CFAP100: variants seen among roughly 807,000 people sequenced by gnomAD.
CFAP100 encodes cilia and flagella associated protein 100, also known as cilia- and flagella-associated protein 100.
A neutral mutation model predicts 81.5 loss-of-function variants in CFAP100; 70 were observed. The observed-to-expected ratio is 0.86, with a 90% CI of 0.71 to 1.05. The LOEUF is 1.05. Among genes scored for constraint, CFAP100 ranks in the 50% least tolerant of loss-of-function variants. CFAP100 has a pLI of 0.00. For synonymous variants in CFAP100, 341 were observed against 314.8 expected (o/e 1.08, Z -0.88); for missense variants, 811 against 776.5 (o/e 1.04, Z -0.53).
At chr3:126,409,280 G>A (rs866397635) in intron 3 of CFAP100, among the ~76,000 whole-genome samples, 9 of 152,092 alleles carry the variant, frequency 5.9e-5, no homozygotes, top group Non-Finnish European at 1.0e-4. Context: ...TTCAGTTTTC[G>A]CTCATATCCC....
intron 4 of CFAP100, 57 bp downstream of exon 4, chr3:126,414,236 C>T: frequency 1.6e-6 from 2 of 1,235,656 alleles, no homozygotes; most frequent in Non-Finnish European, 2.4e-6. Flanking sequence ...CCCACTGCTT[C>T]CTGGAGTGGC....
At chr3:126,395,545 G>A (rs1289758780) in intron 1 of CFAP100, 1 of 158,152 alleles carries the variant, frequency 6.3e-6, no homozygotes, top group East Asian at 1.9e-4. Context: ...AGTGGGAATT[G>A]CAGAGAAGAA....
chr3:126,434,293 C>T lies in CFAP100; in HGVS notation c.1540C>T (p.Leu514=), dbSNP rs749583153. 2.5e-5 allele frequency: 41 copies of T among 1,614,016 alleles called. No individual in the cohort carries two copies. The highest frequency in any genetic ancestry group is 3.3e-5 in the Admixed American group (2 of 60,006). Residue 514 remains leucine, a synonymous_variant, in exon 15 of 17, where the codon CTG becomes TTG. Transcript: ENST00000352312. The part of the protein sequence containing the change: ...VQMLTIIEHQ[L]DELLENLEHV... ...GATGCTGACCATCATTGAGCACCAG[C>T]TGGATGAGCTGCTAGAGAACCTGGA... is the stretch of plus-strand genomic sequence containing the variant.
At position 126,435,575 on chromosome 3, in the gene CFAP100, C is replaced by T; in HGVS notation, c.1645C>T (p.Leu549Phe). 1 of 1,611,752 alleles carries T rather than the reference C, an allele frequency of 6.2e-7. No individual in the cohort carries two copies. The highest frequency in any genetic ancestry group is 1.7e-5 in the Admixed American group (1 of 59,876). The change falls in exon 16 of 17, where the codon CTC (leucine) becomes TTC (phenylalanine). Residue 549 changes from leucine (L) to phenylalanine (F), a missense_variant. Leu to Phe is a conservative substitution (Grantham distance 22, BLOSUM62 0). Coordinates refer to ENST00000352312, the MANE Select transcript of CFAP100 (RefSeq NM_182628.3). Reference sequence around the variant, plus strand: ...GCCACCCAGACTTCGAGAAGAGAAGCTCCAGATGCAAAAGATCCTACAGGA... The same window carrying T: ...GCCACCCAGACTTCGAGAAGAGAAGTTCCAGATGCAAAAGATCCTACAGGA... The part of the protein sequence containing the change: ...ERRIRLREEK[L>F]QMQKILQEEH...
Position 126,433,284 on chromosome 3 carries a change from C to A in CFAP100, c.1422+80C>A, listed in dbSNP as rs974272747. 1.8e-5 allele frequency: 28 copies of A among 1,545,286 alleles called. No individual in the cohort carries two copies. The Admixed American group carries it at 4.6e-4, about 25-fold the overall frequency. ...ACCCACTGGAGGAGCCCTGACAGCC[C>A]TTGGGAAGATGGAGGACAAGGCCCG... is the stretch of plus-strand genomic sequence containing the variant. On this transcript the variant is annotated intron_variant, in intron 14 of 16. Coordinates refer to ENST00000352312, the MANE Select transcript of CFAP100 (RefSeq NM_182628.3).
rs1576636382 is a variant in CFAP100 at position 126,419,809 on chromosome 3, G to A, written c.904G>A (p.Gly302Arg). ...AGAGAGCAGTGTTAACTCCACACCAGGGGACAAAGGTAGCAGAAAAGAGAA... is the reference window on the plus strand; with the variant it reads ...AGAGAGCAGTGTTAACTCCACACCAAGGGACAAAGGTAGCAGAAAAGAGAA... ...SKESSVNSTP[G>R]DKGPGIKGKA... The change falls in exon 9 of 17, where the codon GGG (glycine) becomes AGG (arginine). Residue 302 changes from glycine to arginine, a missense_variant. By Grantham distance (125) the Gly-to-Arg change is moderately radical. Transcript: ENST00000352312. 4 of 1,613,600 alleles carry A rather than the reference G, an allele frequency of 2.5e-6. No homozygotes were observed. The African/African-American group carries it at 4.0e-5, about 16-fold the overall frequency.
At chr3:126,412,153 T>C (rs9858439) in intron 3 of CFAP100, among the ~76,000 whole-genome samples, 23,815 of 152,216 alleles carry the variant, frequency 0.16, 1,989 homozygotes, top group African/African-American at 0.17. Flanking sequence ...TTTGATTTCC[T>C]TGTTAACCCA....
chr3:126,411,316 A>G (rs898664983), intron 3 of CFAP100, among the ~76,000 whole-genome samples: 1 of 104,516 alleles, frequency 9.6e-6, no homozygotes, highest in African/African-American at 3.7e-5. Flanking sequence ...TTTTGCATCT[A>G]TGTTCATCAG....
At chr3:126,409,729 T>C (rs1169739891) in intron 3 of CFAP100, among the ~76,000 whole-genome samples, 1 of 152,236 alleles carries the variant, frequency 6.6e-6, no homozygotes, top group Non-Finnish European at 1.5e-5. Context: ...TGATTCTGTG[T>C]TGGGACGTAC....
At chr3:126,429,296 TTGTA>T (rs1933088791) in intron 13 of CFAP100, among the ~76,000 whole-genome samples, 2 of 152,138 alleles carry the variant, frequency 1.3e-5, no homozygotes, top group Admixed American at 6.5e-5. Flanking sequence ...TCTTGGTAGG[TTGTA>T]TGTTTCTAGG....
intron 14 of CFAP100, chr3:126,433,623 G>T: frequency 5.0e-6 from 1 of 198,966 alleles, no homozygotes. Context: ...GACAGCCTGG[G>T]GCCACCCCGG....
intron 10 of CFAP100, 25 bp from the exon 11 acceptor site, chr3:126,420,078 G>A: frequency 6.2e-7 from 1 of 1,613,302 alleles, no homozygotes; most frequent in Non-Finnish European, 8.5e-7. Context: ...ACAGGGCTCG[G>A]AAACTATTCC....
In CFAP100 at chr3:126,423,599, C is replaced by T. The variant is rs368496894; in HGVS notation, c.1241C>T (p.Thr414Ile). The T allele has an allele frequency of 6.2e-7, 1 of 1,614,080 alleles. No homozygotes were observed. The highest frequency in any genetic ancestry group is 8.5e-7 in the Non-Finnish European group (1 of 1,180,036). ...CAGAACAGCCAGGAGACGGAGAAGA[C>T]CCTGGAGGAGCTGAGCCACACCCTG... ...LIQNSQETEK[T>I]LEELSHTLKH... is the part of the protein sequence containing the mutation. The change falls in exon 13 of 17, where the codon ACC becomes ATC. Residue 414 changes from threonine (T) to isoleucine (I), a missense_variant. Thr to Ile is a moderately conservative substitution (Grantham distance 89). Coordinates refer to ENST00000352312, the MANE Select transcript of CFAP100 (RefSeq NM_182628.3).
At chr3:126,431,138 G>T (rs1933208128) in intron 13 of CFAP100, among the ~76,000 whole-genome samples, 1 of 152,204 alleles carries the variant, frequency 6.6e-6, no homozygotes, top group Non-Finnish European at 1.5e-5. Flanking sequence ...CTGTGGGCAG[G>T]GCCTACTGCC....
intron 13 of CFAP100, among the ~76,000 whole-genome samples, chr3:126,432,282 C>CAAAAAAAAAAAA (rs58421889): frequency 6.5e-5 from 5 of 76,728 alleles, no homozygotes; most frequent in East Asian, 3.6e-4. Context: ...GACTCCGTCT[C>CAAAAAAAAAAAA]AAAAAAAAAA....
chr3:126,407,319 G>C (rs2083081221), intron 3 of CFAP100, 67 bp downstream of exon 3: 1 of 996,002 alleles, frequency 1.0e-6, no homozygotes, highest in South Asian at 1.4e-5. Flanking sequence ...TCTGCCCCCA[G>C]ATCCCCTCAG....
At chr3:126,419,232 G>A in intron 8 of CFAP100, 76 bp downstream of exon 8, 2 of 964,342 alleles carry the variant, frequency 2.1e-6, no homozygotes, top group Non-Finnish European at 1.5e-6. Flanking sequence ...GCCAAGGGAA[G>A]CCTAGCACCA....
chr3:126,436,037 C>T (rs945336768), intron 16 of CFAP100, among the ~76,000 whole-genome samples: 1 of 152,220 alleles, frequency 6.6e-6, no homozygotes, highest in African/African-American at 2.4e-5. Flanking sequence ...TGCCTTCTGA[C>T]CCTGGCAACA....
At chr3:126,410,514 T>A (rs1159416816) in intron 3 of CFAP100, among the ~76,000 whole-genome samples, 2 of 152,140 alleles carry the variant, frequency 1.3e-5, no homozygotes, top group African/African-American at 4.8e-5. Context: ...CTTTTTTTTT[T>A]CTTTTGAAAC....
Sources: gnomAD v4.1 joint callset for allele counts (sites outside exome capture counted in the v4.1 genomes callset) on GRCh38, gnomAD v4.1.1 for gene constraint, MANE v1.5 for transcripts, NCBI Gene and HGNC (gene_info 2026-07-23, HGNC 2026-07-21) for gene names.